HMGXB4: variants seen among roughly 807,000 people sequenced by gnomAD.
The protein encoded by HMGXB4 is HMG domain-containing protein 4.
HMGXB4 carries 27 observed loss-of-function variants against 63.9 expected under a neutral mutation model. The ratio of observed to expected loss-of-function variants is 0.42; its 90% CI spans 0.31 to 0.58. The LOEUF is 0.58. Ranked by LOEUF, HMGXB4 falls within the 20% of genes least tolerant of loss-of-function variation. The pLI is 0.13. For missense variants in HMGXB4, 624 were observed against 700.7 expected, an observed-to-expected ratio of 0.89 and a Z score of 1.24; for synonymous variants, 264 against 265.3, an observed-to-expected ratio of 0.99 and a Z score of 0.05.
chr22:35,269,625 C>T (rs1357755054), intron 5 of HMGXB4, among the ~76,000 whole-genome samples: 1 of 152,134 alleles, frequency 6.6e-6, no homozygotes, highest in Non-Finnish European at 1.5e-5. Context: ...GACTTGGCAG[C>T]AGGCAGTTTG....
chr22:35,256,778 G>A (rs11703542), upstream of HMGXB4, among the ~76,000 whole-genome samples: 9,336 of 152,272 alleles, frequency 0.061, 387 homozygotes, highest in South Asian at 0.1. Context: ...TGGGATTACA[G>A]GCGTGAGCCA....
chr22:35,292,990 A>T lies in HMGXB4; in HGVS notation c.1639-2A>T. On this transcript the variant is annotated splice_acceptor_variant, in intron 9 of 10. Coordinates refer to ENST00000216106, the MANE Select transcript of HMGXB4 (RefSeq NM_001003681.3). LOFTEE classifies it high-confidence loss of function. ...CAAGCAACAACCTCCTCTCCTTTTC[A>T]GGGTATGGTGGCTGTGTCTGGCAGT... 6.2e-7 allele frequency: 1 copy of T among 1,614,208 alleles called. No homozygotes were observed. Among genetic ancestry groups the T allele is most frequent in the Non-Finnish European group, 8.5e-7 (1 of 1,180,022 alleles).
intron 5 of HMGXB4, among the ~76,000 whole-genome samples, chr22:35,274,948 G>T (rs1416108864): frequency 1.3e-5 from 2 of 152,056 alleles, no homozygotes; most frequent in African/African-American, 4.8e-5. Flanking sequence ...TAGTGGCCCT[G>T]CCACTCCGTG....
Position 35,265,354 on chromosome 22 carries a change from AAAG to A in HMGXB4, c.971_973del (p.Lys324del). On this transcript the variant is annotated inframe_deletion, in exon 5 of 11. Transcript: ENST00000216106. ...GAGAAATCAAGAAGAAAAAGAAGTC[AAAG>A]AAGAGCAAAAAGAAGAAAGACAAGG... 6.2e-7 allele frequency: 1 copy of A among 1,614,042 alleles called. No individual in the cohort carries two copies. Among genetic ancestry groups the A allele is most frequent in the Non-Finnish European group, 8.5e-7 (1 of 1,180,018 alleles).
chr22:35,294,625 G>T lies in HMGXB4; in HGVS notation c.*974G>T, dbSNP rs1012742604. The T allele has an allele frequency of 6.6e-6, 1 of 152,384 alleles. No individual in the cohort carries two copies. Among genetic ancestry groups the T allele is most frequent in the African/African-American group, 2.4e-5 (1 of 41,362 alleles). 9.4% of individuals were successfully genotyped at this position (152,384 alleles called of 1,614,324 possible). On this transcript the variant is annotated 3_prime_UTR_variant, in exon 11 of 11. Coordinates refer to ENST00000216106, the MANE Select transcript of HMGXB4 (RefSeq NM_001003681.3). ...CAAAACAAAACTCACTCTCTTGTAG[G>T]TTTATTTATGTGTGTGTGAATGTGT...
At chr22:35,287,047 T>G in intron 7 of HMGXB4, 1 of 290,910 alleles carries the variant, frequency 3.4e-6, no homozygotes, top group Non-Finnish European at 6.7e-6. Flanking sequence ...CACATAGACA[T>G]TATATTGAGC....
At chr22:35,246,905 C>CT in the HMGXB4 span, among the ~76,000 whole-genome samples, 1 of 152,234 alleles carries the variant, frequency 6.6e-6, no homozygotes, top group Non-Finnish European at 1.5e-5. Context: ...CCTTTTACAT[C>CT]TTTTGTGTCC....
chr22:35,284,740 A>G (rs1924461604), intron 6 of HMGXB4, among the ~76,000 whole-genome samples: 1 of 152,254 alleles, frequency 6.6e-6, no homozygotes, highest in Non-Finnish European at 1.5e-5. Flanking sequence ...AAGTCAAACC[A>G]TCATAAGTCA....
At chr22:35,244,409 A>C in the HMGXB4 span, among the ~76,000 whole-genome samples, 1 of 151,534 alleles carries the variant, frequency 6.6e-6, no homozygotes, top group South Asian at 2.1e-4. Flanking sequence ...TTTTCTCTTC[A>C]AAAAATTCCT....
chr22:35,251,837 C>A, the HMGXB4 span, among the ~76,000 whole-genome samples: 1 of 151,556 alleles, frequency 6.6e-6, no homozygotes, highest in African/African-American at 2.4e-5. Flanking sequence ...CTGCCACCTC[C>A]CAAAGTTTCC....
At chr22:35,241,724 A>AG in the HMGXB4 span, among the ~76,000 whole-genome samples, 3 of 152,070 alleles carry the variant, frequency 2.0e-5, no homozygotes, top group Non-Finnish European at 2.9e-5. Context: ...TGTTCGGGAG[A>AG]GGGGGGTCTC....
chr22:35,290,968 A>G (rs569441494), intron 9 of HMGXB4, among the ~76,000 whole-genome samples: 1 of 152,306 alleles, frequency 6.6e-6, no homozygotes, highest in East Asian at 1.9e-4. Context: ...ATAAGTTAGA[A>G]AATTAAGGCT....
intron 1 of HMGXB4, among the ~76,000 whole-genome samples, chr22:35,260,344 A>T (rs1922770225): frequency 6.6e-6 from 1 of 152,228 alleles, no homozygotes; most frequent in South Asian, 2.1e-4. Context: ...TTTCTTATAA[A>T]CTCAGTATTT....
upstream of HMGXB4, among the ~76,000 whole-genome samples, chr22:35,254,392 ACAGAGGAAGCAC>A (rs1922306599): frequency 6.6e-6 from 1 of 152,270 alleles, no homozygotes; most frequent in African/African-American, 2.4e-5. Flanking sequence ...CCAGCAAGGT[ACAGAGGAAGCAC>A]TTGAATACAT....
intron 9 of HMGXB4, 98 bp from the exon 10 acceptor site, chr22:35,292,894 G>C (rs1925015342): frequency 7.1e-7 from 1 of 1,409,100 alleles, no homozygotes; most frequent in Non-Finnish European, 9.9e-7. Flanking sequence ...CAAATTATAA[G>C]AGTAGAACTG....
chr22:35,282,115 A>G (rs373333292), intron 5 of HMGXB4, among the ~76,000 whole-genome samples: 17 of 152,130 alleles, frequency 1.1e-4, no homozygotes, highest in African/African-American at 3.6e-4. Context: ...TTCATCACAA[A>G]ACCTGACTCT....
intron 5 of HMGXB4, among the ~76,000 whole-genome samples, chr22:35,276,924 A>G (rs1923945380): frequency 6.6e-6 from 1 of 152,248 alleles, no homozygotes; most frequent in Non-Finnish European, 1.5e-5. Flanking sequence ...TATTTTTTAA[A>G]AAGCTTATAT....
the HMGXB4 span, among the ~76,000 whole-genome samples, chr22:35,247,818 G>A: frequency 6.6e-6 from 1 of 152,006 alleles, no homozygotes; most frequent in African/African-American, 2.4e-5. Flanking sequence ...CAACTTAGCT[G>A]GAAGCAAAGT....
chr22:35,259,741 C>T (rs1922720624), intron 1 of HMGXB4, among the ~76,000 whole-genome samples: 1 of 152,244 alleles, frequency 6.6e-6, no homozygotes, highest in African/African-American at 2.4e-5. Context: ...GTTTTTCAAG[C>T]TCTTGGCTGC....
Sources: allele counts gnomAD v4.1 joint callset (sites outside exome capture counted in the v4.1 genomes callset), GRCh38; gene constraint gnomAD v4.1.1; transcripts MANE v1.5; gene names NCBI Gene and HGNC (gene_info 2026-07-23, HGNC 2026-07-21).